CDK13: variants seen among roughly 807,000 people sequenced by gnomAD.
The protein encoded by CDK13 is cyclin dependent kinase 13, also known as cyclin-dependent kinase 13.
CDK13 carries 40 observed loss-of-function variants against 137.6 expected under a neutral mutation model. The ratio of observed to expected loss-of-function variants is 0.29; its 90% CI spans 0.23 to 0.38. The LOEUF (loss-of-function observed/expected upper bound fraction) is 0.38. CDK13 is among the 10% of genes least tolerant of loss of function. The pLI, the probability that CDK13 is intolerant of heterozygous loss-of-function variation, is 1.00. For missense variants in CDK13, 1,704 were observed against 1,951.8 expected, an observed-to-expected ratio of 0.87 and a Z score of 2.39; for synonymous variants, 869 against 760.1, an observed-to-expected ratio of 1.14 and a Z score of -2.36.
chr7:39,951,141 C>T lies in CDK13; in HGVS notation c.500C>T (p.Ala167Val), dbSNP rs2116055966. Residue 167 changes from alanine to valine, a missense_variant, in exon 1 of 14, where the codon GCG becomes GTG. Coordinates refer to ENST00000181839, the MANE Select transcript of CDK13 (RefSeq NM_003718.5). ...CTGGGGGGGGCCAGCGCGGCAACGG[C>T]GGCGACGGCTGCCGGGGGAACGGGG... ...LLLGGASAAT[A>V]ATAAGGTGGS... is the part of the protein sequence containing the mutation. 8.1e-6 allele frequency: 10 copies of T among 1,242,096 alleles called. No individual in the cohort carries two copies. In the South Asian group the frequency reaches 3.4e-4, roughly 42 times the overall value. 76.9% of individuals were successfully genotyped at this position (1,242,096 alleles called of 1,614,324 possible).
At chr7:39,963,451 T>A (rs1783795659) in intron 1 of CDK13, among the ~76,000 whole-genome samples, 1 of 151,902 alleles carries the variant, frequency 6.6e-6, no homozygotes, top group African/African-American at 2.4e-5. Flanking sequence ...ATAAGAATGC[T>A]TGTAATTTTT....
chr7:40,034,499 C>A (rs1785443988), intron 5 of CDK13, among the ~76,000 whole-genome samples: 1 of 151,986 alleles, frequency 6.6e-6, no homozygotes, highest in Admixed American at 6.5e-5. Flanking sequence ...TATAACATAT[C>A]TCTAGCTGCA....
intron 5 of CDK13, among the ~76,000 whole-genome samples, chr7:40,007,277 A>G (rs1299601928): frequency 2.6e-5 from 4 of 152,352 alleles, no homozygotes; most frequent in South Asian, 2.1e-4. Flanking sequence ...TTGTGGCAAC[A>G]TGTCACTGTT....
chr7:40,056,055 G>A (rs1432959330), intron 7 of CDK13, among the ~76,000 whole-genome samples: 2 of 152,102 alleles, frequency 1.3e-5, no homozygotes, highest in African/African-American at 2.4e-5. Flanking sequence ...TAATCGTAAC[G>A]TGGATTTTTG....
chr7:40,087,825 A>C (rs978785305), intron 11 of CDK13, among the ~76,000 whole-genome samples: 3 of 152,200 alleles, frequency 2.0e-5, no homozygotes, highest in African/African-American at 7.2e-5. Flanking sequence ...CTGGGATTAC[A>C]GGCATGCCCA....
chr7:39,952,322 T>TGTGG (rs1407692136), intron 1 of CDK13: 1 of 153,356 alleles, frequency 6.5e-6, no homozygotes, highest in Non-Finnish European at 1.5e-5. Context: ...CAGAGTTAGA[T>TGTGG]GTGGATTGCA....
rs1787031141 is a variant in CDK13 at position 40,095,609 on chromosome 7, T to A, written c.*629T>A. On this transcript the variant is annotated 3_prime_UTR_variant, in exon 14 of 14. Transcript: ENST00000181839. ...TGCAGATTATCAAAGCCTAGCAAAA[T>A]GCATTTAAATGAAATAGTGGGTTTT... 6.6e-6 allele frequency: 1 copy of A among 151,564 alleles called. No homozygotes were observed. The highest frequency in any genetic ancestry group is 1.5e-5 in the Non-Finnish European group (1 of 67,954). The allele number at this position is 151,564 out of a possible 1,614,324, so 9.4% of individuals were successfully genotyped here.
At chr7:40,038,209 A>T (rs1040519417) in intron 5 of CDK13, among the ~76,000 whole-genome samples, 12 of 151,974 alleles carry the variant, frequency 7.9e-5, no homozygotes, top group South Asian at 2.1e-4. Flanking sequence ...TTTTATATAT[A>T]AAAAAAGGTA....
intron 1 of CDK13, among the ~76,000 whole-genome samples, chr7:39,970,547 G>T (rs968653710): frequency 6.6e-6 from 1 of 150,656 alleles, no homozygotes; most frequent in Non-Finnish European, 1.5e-5. Flanking sequence ...TGCAACCTCC[G>T]CCTCCCAGGT....
intron 9 of CDK13, chr7:40,072,194 T>G (rs959192926): frequency 6.6e-6 from 1 of 152,310 alleles, no homozygotes; most frequent in South Asian, 2.1e-4. Flanking sequence ...TGGTATAATC[T>G]CAGCTCACTG....
chr7:40,063,179 T>C (rs1335078856), intron 9 of CDK13, 79 bp downstream of exon 9: 2 of 1,106,682 alleles, frequency 1.8e-6, no homozygotes, highest in East Asian at 4.7e-5. Flanking sequence ...CCCAAGTTTG[T>C]CTTTTCAGGA....
At chr7:40,048,391 C>CT (rs766253276) in intron 7 of CDK13, 7 of 151,946 alleles carry the variant, frequency 4.6e-5, no homozygotes, top group Non-Finnish European at 7.4e-5. Flanking sequence ...ACTTGGCTTT[C>CT]TTTGTGCCTG....
intron 5 of CDK13, among the ~76,000 whole-genome samples, chr7:40,039,419 G>A (rs1025156283): frequency 2.3e-5 from 3 of 133,314 alleles, no homozygotes; most frequent in African/African-American, 9.0e-5. Context: ...AGGTGCCCAC[G>A]ACCATGCCCG....
chr7:40,036,715 CA>C (rs1785492772), intron 5 of CDK13, among the ~76,000 whole-genome samples: 4 of 145,584 alleles, frequency 2.7e-5, no homozygotes, highest in South Asian at 4.3e-4. Flanking sequence ...AAAAAAAAAA[CA>C]AAAAACTCCT....
chr7:40,011,632 C>T (rs1246896838), intron 5 of CDK13, among the ~76,000 whole-genome samples: 1 of 152,074 alleles, frequency 6.6e-6, no homozygotes, highest in Non-Finnish European at 1.5e-5. Flanking sequence ...CAATAATTAA[C>T]TTAAAATGGA....
At chr7:39,990,657 A>C (rs1183622124) in intron 2 of CDK13, among the ~76,000 whole-genome samples, 1 of 152,224 alleles carries the variant, frequency 6.6e-6, no homozygotes, top group Admixed American at 6.5e-5. Context: ...AGTGGGCTGT[A>C]GTAGAAAGCT....
At chr7:39,972,808 A>G (rs1317292707) in intron 1 of CDK13, among the ~76,000 whole-genome samples, 1 of 152,126 alleles carries the variant, frequency 6.6e-6, no homozygotes, top group South Asian at 2.1e-4. Flanking sequence ...TCTCTTGAGC[A>G]TATATCTAGG....
chr7:40,012,930 G>A (rs2116369978), intron 5 of CDK13, among the ~76,000 whole-genome samples: 1 of 151,018 alleles, frequency 6.6e-6, no homozygotes, highest in South Asian at 2.1e-4. Context: ...AAAAAAAAAG[G>A]GAAACAGCAT....
intron 1 of CDK13, chr7:39,986,332 A>G (rs1254365466): frequency 6.6e-6 from 1 of 152,180 alleles, no homozygotes; most frequent in East Asian, 1.9e-4. Flanking sequence ...ACTGTGTTAA[A>G]TTTGTGGGAA....
Sources: allele counts gnomAD v4.1 joint callset (sites outside exome capture counted in the v4.1 genomes callset), GRCh38; gene constraint gnomAD v4.1.1; transcripts MANE v1.5; gene names NCBI Gene and HGNC (gene_info 2026-07-23, HGNC 2026-07-21).